Variants in STX8 observed in about 807,000 individuals in gnomAD.
The protein encoded by STX8 is syntaxin 8, also known as syntaxin-8.
STX8 carries 23 observed loss-of-function variants against 37.5 expected under a neutral mutation model. The ratio of observed to expected loss-of-function variants is 0.61; its 90% CI spans 0.44 to 0.87. STX8 has a LOEUF of 0.87. Ranked by LOEUF, STX8 falls within the 40% of genes least tolerant of loss-of-function variation. The pLI is 0.00. For synonymous variants in STX8, 115 were observed against 99.1 expected (o/e 1.16, Z -0.95); for missense variants, 313 against 284.7 (o/e 1.10, Z -0.71).
At chr17:9,306,941 T>C (rs549515064) in intron 7 of STX8, among the ~76,000 whole-genome samples, 1 of 151,064 alleles carries the variant, frequency 6.6e-6, no homozygotes, top group South Asian at 2.1e-4. Flanking sequence ...CTGGCCAACA[T>C]GGTGAAACCC....
chr17:9,445,822 AT>A (rs1305807824), intron 6 of STX8, among the ~76,000 whole-genome samples: 1 of 146,210 alleles, frequency 6.8e-6, no homozygotes, highest in Non-Finnish European at 1.5e-5. Context: ...AAGAATATAC[AT>A]TTTTTTCTTT....
chr17:9,464,722 G>GT lies in STX8; in HGVS notation c.541+27106dup, dbSNP rs11294998. ...GGTGCCCTCTGATGCCAATCTCATT[G>GT]TTTTTTTTTTTTTTTTTTGTGACGG... is the stretch of plus-strand genomic sequence containing the variant. On this transcript the variant is annotated intron_variant, in intron 6 of 7. Coordinates refer to ENST00000306357, the MANE Select transcript of STX8 (RefSeq NM_004853.3). 4.2e-3 allele frequency: 458 copies of GT among 109,366 alleles called. 3 individuals carry two copies. The highest frequency in any genetic ancestry group is 5.6e-3 in the Non-Finnish European group (284 of 51,028). 6.8% of individuals were successfully genotyped at this position (109,366 alleles called of 1,614,324 possible). A position where few individuals can be genotyped will look rare whatever the true frequency, so the allele number is the denominator to read the frequency against.
intron 7 of STX8, among the ~76,000 whole-genome samples, 167 bp from the exon 8 acceptor site, chr17:9,250,812 C>T (rs560951763): frequency 3.4e-4 from 51 of 152,228 alleles, no homozygotes; most frequent in Admixed American, 1.3e-3. Flanking sequence ...TGCTGCTACA[C>T]AGCTCTGGCT....
intron 7 of STX8, among the ~76,000 whole-genome samples, chr17:9,255,545 A>T (rs901576771): frequency 8.5e-5 from 6 of 70,348 alleles, no homozygotes; most frequent in Non-Finnish European, 2.1e-4. Context: ...TAAATAAATA[A>T]ATAAATAAAT....
chr17:9,447,054 G>A (rs1904876615), intron 6 of STX8, among the ~76,000 whole-genome samples: 1 of 152,154 alleles, frequency 6.6e-6, no homozygotes, highest in Non-Finnish European at 1.5e-5. Flanking sequence ...TACGATCAGT[G>A]AAATATTCAA....
At chr17:9,422,786 CA>C (rs1198376706) in intron 6 of STX8, among the ~76,000 whole-genome samples, 1 of 152,246 alleles carries the variant, frequency 6.6e-6, no homozygotes, top group Non-Finnish European at 1.5e-5. Context: ...CCTTTGGTGA[CA>C]AGGTTCGCTG....
chr17:9,494,076 C>T (rs77667565), intron 5 of STX8, among the ~76,000 whole-genome samples: 25,656 of 150,840 alleles, frequency 0.17, 2,321 homozygotes, highest in South Asian at 0.24. Flanking sequence ...AGTGCAGTGG[C>T]GCGATCTCGG....
Position 9,407,037 on chromosome 17 carries a change from A to G in STX8, c.542-28384T>C, listed in dbSNP as rs189901783. Among the ~76,000 whole-genome samples, 393 of 152,330 alleles carry G rather than the reference A, an allele frequency of 2.6e-3. 4 individuals carry two copies. The highest frequency in any genetic ancestry group is 3.5e-4 in the Non-Finnish European group (24 of 68,030). ...TTATTCTGATAAAAGTGAAAATTAAATTTTAAAAAATTAAGTCCAAAGAAG... is the reference window on the plus strand; with the variant it reads ...TTATTCTGATAAAAGTGAAAATTAAGTTTTAAAAAATTAAGTCCAAAGAAG... On this transcript the variant is annotated intron_variant, in intron 6 of 7. Coordinates refer to ENST00000306357, the MANE Select transcript of STX8 (RefSeq NM_004853.3).
chr17:9,272,171 G>T (rs904263048), intron 7 of STX8, among the ~76,000 whole-genome samples: 16 of 152,342 alleles, frequency 1.1e-4, no homozygotes, highest in African/African-American at 3.8e-4. Context: ...GCAGCAGCTG[G>T]GGTGGCCAAA....
chr17:9,401,020 A>G (rs1213618898), intron 6 of STX8, among the ~76,000 whole-genome samples: 1 of 152,210 alleles, frequency 6.6e-6, no homozygotes, highest in Non-Finnish European at 1.5e-5. Context: ...AAAATAGCCT[A>G]CATTTCAAAT....
At chr17:9,506,267 G>A (rs1185599027) in intron 4 of STX8, among the ~76,000 whole-genome samples, 2 of 151,828 alleles carry the variant, frequency 1.3e-5, no homozygotes, top group African/African-American at 2.4e-5. Flanking sequence ...TCCAGGACAC[G>A]ACCTTCTGAC....
chr17:9,562,568 T>C (rs888789529), intron 2 of STX8, among the ~76,000 whole-genome samples: 1 of 147,680 alleles, frequency 6.8e-6, no homozygotes, highest in Admixed American at 6.7e-5. Context: ...AATAATCCAG[T>C]AGAAAAATGG....
intron 4 of STX8, among the ~76,000 whole-genome samples, chr17:9,521,412 A>T (rs781499187): frequency 2.6e-5 from 4 of 152,266 alleles, no homozygotes; most frequent in Non-Finnish European, 5.9e-5. Context: ...CTTCAGGAAA[A>T]GGAAATTTTT....
intron 2 of STX8, among the ~76,000 whole-genome samples, chr17:9,560,433 A>G (rs887186123): frequency 6.6e-6 from 1 of 151,490 alleles, no homozygotes; most frequent in East Asian, 1.9e-4. Flanking sequence ...AGAATTCAAT[A>G]TGGTCATTAG....
At chr17:9,311,594 G>A (rs570680193) in intron 7 of STX8, among the ~76,000 whole-genome samples, 3 of 152,226 alleles carry the variant, frequency 2.0e-5, no homozygotes, top group Non-Finnish European at 2.9e-5. Flanking sequence ...ATAGACTGAC[G>A]GAATATAAAC....
chr17:9,487,390 A>C (rs1906645228), intron 6 of STX8, among the ~76,000 whole-genome samples: 1 of 152,120 alleles, frequency 6.6e-6, no homozygotes, highest in South Asian at 2.1e-4. Context: ...ATCACAATAA[A>C]AATCCAGATG....
intron 7 of STX8, among the ~76,000 whole-genome samples, chr17:9,310,510 C>A (rs924338602): frequency 2.0e-5 from 3 of 152,032 alleles, no homozygotes; most frequent in African/African-American, 7.3e-5. Flanking sequence ...TACAATGTAA[C>A]CTGCTCTTGT....
intron 3 of STX8, chr17:9,557,173 C>T (rs1350289916): frequency 8.5e-6 from 3 of 351,630 alleles, no homozygotes; most frequent in East Asian, 5.7e-5. Context: ...ACCGCACTGA[C>T]GGAAAACATT....
chr17:9,472,303 T>C (rs140428485), intron 6 of STX8, among the ~76,000 whole-genome samples: 225 of 152,326 alleles, frequency 1.5e-3, no homozygotes, highest in African/African-American at 5.1e-3. Flanking sequence ...TTTGCCACTT[T>C]ATCCACGTCC....
Sources: allele counts gnomAD v4.1 joint callset (sites outside exome capture counted in the v4.1 genomes callset), GRCh38; gene constraint gnomAD v4.1.1; transcripts MANE v1.5; gene names NCBI Gene and HGNC (gene_info 2026-07-23, HGNC 2026-07-21).